Variants in TRMT11 observed in about 807,000 individuals in gnomAD.
The protein encoded by TRMT11 is tRNA methyltransferase 11, also known as tRNA (guanine(10)-N(2))-methyltransferase TRMT11.
In TRMT11, 53 loss-of-function variants were observed where a neutral mutation model predicts 62.8. That is an observed-to-expected ratio of 0.84 (90% CI 0.68 to 1.06). The LOEUF is 1.06. Ranked by LOEUF, TRMT11 falls within the 50% of genes least tolerant of loss-of-function variation. The pLI is 0.00. For missense variants in TRMT11, 556 were observed against 553.4 expected (o/e 1.00, Z -0.05); for synonymous variants, 188 against 190.3 (o/e 0.99, Z 0.10).
intron 21 of TRMT11, among the ~76,000 whole-genome samples, chr6:126,138,474 T>C (rs1777877700): frequency 6.6e-6 from 1 of 152,046 alleles, no homozygotes; most frequent in African/African-American, 2.4e-5. Context: ...AATTCTTTTC[T>C]GTCAACATTG....
At position 125,999,505 on chromosome 6, in the gene TRMT11, A is replaced by G. The variant is rs766608343; in HGVS notation, c.571A>G (p.Arg191Gly). ...ELIESYSVKKRHFIGNTSMDA... is the reference protein window; with the variant it reads ...ELIESYSVKKGHFIGNTSMDA... ...TATTGAGTCATACAGTGTCAAAAAGAGACACTTTATTGGAAATACAAGTAT... is the reference window on the plus strand; with the variant it reads ...TATTGAGTCATACAGTGTCAAAAAGGGACACTTTATTGGAAATACAAGTAT... Residue 191 changes from arginine to glycine, a missense_variant, in exon 7 of 13, where the codon AGA becomes GGA. By Grantham distance (125) the Arg-to-Gly change is moderately radical. Transcript: ENST00000334379. The G allele has an allele frequency of 9.3e-6, 15 of 1,611,016 alleles. No homozygotes were observed. The highest frequency in any genetic ancestry group is 1.7e-6 in the Non-Finnish European group (2 of 1,178,460).
chr6:126,140,302 T>A (rs1777903306), intron 21 of TRMT11, among the ~76,000 whole-genome samples: 1 of 152,104 alleles, frequency 6.6e-6, no homozygotes, highest in Non-Finnish European at 1.5e-5. Flanking sequence ...GGTGTATATA[T>A]CTTCATTTAT....
upstream of TRMT11, among the ~76,000 whole-genome samples, chr6:126,173,321 A>G (rs951438248): frequency 6.6e-6 from 1 of 152,150 alleles, no homozygotes; most frequent in Non-Finnish European, 1.5e-5. Flanking sequence ...ATTGAGTAAC[A>G]TTCTCCCCGT....
the TRMT11 span, among the ~76,000 whole-genome samples, chr6:126,229,395 T>G: frequency 5.3e-5 from 8 of 152,228 alleles, no homozygotes; most frequent in Non-Finnish European, 1.0e-4. Flanking sequence ...TTGGAACATC[T>G]AACTTTAACT....
chr6:126,096,214 A>G (rs1777338172), intron 17 of TRMT11, among the ~76,000 whole-genome samples: 1 of 152,230 alleles, frequency 6.6e-6, no homozygotes, highest in Non-Finnish European at 1.5e-5. Context: ...CAGTGGATCC[A>G]TAGAATTCCT....
intron 17 of TRMT11, among the ~76,000 whole-genome samples, chr6:126,111,539 C>G (rs116001295): frequency 6.6e-6 from 1 of 152,122 alleles, no homozygotes; most frequent in Non-Finnish European, 1.5e-5. Flanking sequence ...TTCCCAGCAC[C>G]AGATCACCTC....
Position 126,193,488 on chromosome 6 carries a change from G to GTTTTTTTTTTTTTTTTTTTTTTTTTT in TRMT11, n.144-5310_144-5309insTTTTTTTTTTTTTTTTTTTTTTTTTT, listed in dbSNP as rs1778627491. Among the ~76,000 whole-genome samples, 6 of 118,138 alleles carry GTTTTTTTTTTTTTTTTTTTTTTTTTT rather than the reference G, an allele frequency of 5.1e-5. 1 individual carries two copies. The highest frequency in any genetic ancestry group is 2.2e-4 in the African/African-American group (6 of 26,868). The allele number at this position is 118,138 out of a possible 152,430, so 77.5% of individuals were successfully genotyped here. A position where few individuals can be genotyped will look rare whatever the true frequency, so the allele number is the denominator to read the frequency against. ...TAGGTTATTTAAGAGGAGCGTTTCT[G>GTTTTTTTTTTTTTTTTTTTTTTTTTT]TATTTTTTTTTTTTTTTTTTTTTTT... On this transcript the variant is annotated intron_variant and non_coding_transcript_variant, in intron 1 of 3. Transcript: ENST00000444229.
At chr6:126,234,107 T>C in the TRMT11 span, among the ~76,000 whole-genome samples, 63 of 152,284 alleles carry the variant, frequency 4.1e-4, no homozygotes, top group African/African-American at 1.5e-3. Flanking sequence ...AACCTACGTC[T>C]CTGTTGGGGA....
chr6:126,265,247 G>A, the TRMT11 span, among the ~76,000 whole-genome samples: 4 of 152,064 alleles, frequency 2.6e-5, no homozygotes, highest in African/African-American at 9.7e-5. Context: ...ATGTAATCTT[G>A]TGAAGACAGA....
chr6:126,128,637 A>G (rs929355283), intron 21 of TRMT11, among the ~76,000 whole-genome samples: 3 of 152,090 alleles, frequency 2.0e-5, no homozygotes, highest in Non-Finnish European at 2.9e-5. Flanking sequence ...AATCCCCACA[A>G]TACCTACTGC....
chr6:126,176,446 C>G (rs572964337), upstream of TRMT11, among the ~76,000 whole-genome samples: 70 of 152,196 alleles, frequency 4.6e-4, no homozygotes, highest in African/African-American at 1.6e-3. Flanking sequence ...AAAACTAATC[C>G]AACTGACCAC....
At position 126,012,963 on chromosome 6, in the gene TRMT11, T is replaced by C; in HGVS notation, c.1008-7T>C. ...ACTGATTTTGAAATTTTCTTTTCTT[T>C]GTGTAGTCCAGAAAGCCATGTTCCT... On this transcript the variant is annotated splice_region_variant and splice_polypyrimidine_tract_variant and intron_variant, in intron 10 of 12. Transcript: ENST00000334379. 6.2e-7 allele frequency: 1 copy of C among 1,610,212 alleles called. No homozygotes were observed. Among genetic ancestry groups the C allele is most frequent in the Non-Finnish European group, 8.5e-7 (1 of 1,177,718 alleles).
At chr6:126,181,552 G>A (rs1307182371) in intron 1 of TRMT11, among the ~76,000 whole-genome samples, 3 of 152,088 alleles carry the variant, frequency 2.0e-5, no homozygotes, top group Non-Finnish European at 2.9e-5. Flanking sequence ...TTTGTGGGTT[G>A]GACCAAGGAG....
the TRMT11 span, among the ~76,000 whole-genome samples, chr6:126,248,391 A>C: frequency 6.6e-6 from 1 of 152,186 alleles, no homozygotes; most frequent in Admixed American, 6.5e-5. Flanking sequence ...CAAATTGTTC[A>C]GGAAAAGATG....
the TRMT11 span, among the ~76,000 whole-genome samples, chr6:126,270,960 T>C: frequency 6.6e-6 from 1 of 152,218 alleles, no homozygotes; most frequent in East Asian, 1.9e-4. Flanking sequence ...CTGATTTAAT[T>C]TGGTGTAAAT....
At chr6:126,253,184 C>T in the TRMT11 span, among the ~76,000 whole-genome samples, 1 of 151,722 alleles carries the variant, frequency 6.6e-6, no homozygotes, top group Non-Finnish European at 1.5e-5. Flanking sequence ...TGCCTGTAAT[C>T]CCAGCACTTT....
chr6:126,012,512 C>T (rs745794409), intron 9 of TRMT11, among the ~76,000 whole-genome samples: 3 of 152,160 alleles, frequency 2.0e-5, no homozygotes, highest in Non-Finnish European at 4.4e-5. Flanking sequence ...TATTGCATTT[C>T]GTAATGATAT....
chr6:126,196,639 A>T (rs1024642114), intron 1 of TRMT11, among the ~76,000 whole-genome samples: 1 of 152,052 alleles, frequency 6.6e-6, no homozygotes, highest in Non-Finnish European at 1.5e-5. Context: ...TTTATTGCAC[A>T]GAAGTGTGAC....
chr6:126,266,625 C>G, the TRMT11 span, among the ~76,000 whole-genome samples: 1 of 152,066 alleles, frequency 6.6e-6, no homozygotes, highest in Admixed American at 6.6e-5. Context: ...TTTTTGTCTT[C>G]TAAGCGATAA....
Sources: allele counts gnomAD v4.1 joint callset (sites outside exome capture counted in the v4.1 genomes callset), GRCh38; gene constraint gnomAD v4.1.1; transcripts MANE v1.5; gene names NCBI Gene and HGNC (gene_info 2026-07-23, HGNC 2026-07-21).